The following DDB1 variants were observed in gnomAD, a reference collection of about 807,000 sequenced individuals.
The protein encoded by DDB1 is damage specific DNA binding protein 1.
Under a neutral mutation model 133.1 loss-of-function variants are expected in DDB1, and 18 were observed. That is an observed-to-expected ratio of 0.14 (90% confidence interval 0.09 to 0.20). The LOEUF (loss-of-function observed/expected upper bound fraction) is 0.20, where lower values mean the gene tolerates loss of function less well. DDB1 is among the 10% of genes least tolerant of loss of function. DDB1 has a pLI of 1.00. For missense variants in DDB1, 828 were observed against 1,459.2 expected (o/e 0.57, Z 7.05); for synonymous variants, 580 against 550.5 (o/e 1.05, Z -0.75).
Position 61,326,850 on chromosome 11 carries a change from C to T in DDB1, c.593G>A (p.Arg198Gln), listed in dbSNP as rs748809784. The T allele has an allele frequency of 1.6e-5, 26 of 1,613,972 alleles. No individual in the cohort carries two copies. The highest frequency in any genetic ancestry group is 3.3e-4 in the Middle Eastern group (2 of 6,084). The change falls in exon 5 of 27, where the codon CGA becomes CAA. Residue 198 changes from arginine (R) to glutamine (Q), a missense_variant. Physicochemically the swap from Arg to Gln is conservative, Grantham distance 43. Around this residue, in one of 7 missense-constraint regions of DDB1, gnomAD observed 210 missense variants for 344.8 expected, o/e 0.61. Coordinates refer to ENST00000301764, the MANE Select transcript of DDB1 (RefSeq NM_001923.5). ...AGGGCCCTTATTGAATTCCTTTTCT[C>T]GGAGAGACACCTCATAGGTTTTTAC... ...RHVKTYEVSL[R>Q]EKEFNKGPWK...
chr11:61,317,439 T>C (rs1301838613), intron 10 of DDB1, among the ~76,000 whole-genome samples: 1 of 152,104 alleles, frequency 6.6e-6, no homozygotes, highest in African/African-American at 2.4e-5. Context: ...AAAGCTGTTT[T>C]GAGCCTATTT....
rs1194431801 is a variant in DDB1, at chr11:61,310,357, G to A, written c.2339C>T (p.Thr780Ile). 3 of 1,613,106 alleles carry A rather than the reference G, an allele frequency of 1.9e-6. No individual in the cohort carries two copies. The highest frequency in any genetic ancestry group is 1.3e-5 in the African/African-American group (1 of 74,900). ...LFSSSTAPHE[T>I]SFGEEVEVHN... ...CACCTCCACCTCTTCTCCAAAGGAGGTCTCATGAGGAGCAGTGCTGCTGGA... is the reference window on the plus strand; with the variant it reads ...CACCTCCACCTCTTCTCCAAAGGAGATCTCATGAGGAGCAGTGCTGCTGGA... Residue 780 changes from threonine (T) to isoleucine (I), a missense_variant, in exon 19 of 27, where the codon ACC becomes ATC. By Grantham distance (89) the Thr-to-Ile change is moderately conservative (BLOSUM62 -1). Coordinates refer to ENST00000301764, the MANE Select transcript of DDB1 (RefSeq NM_001923.5).
At chr11:61,325,573 GA>G (rs764501618) in intron 6 of DDB1, 37 bp downstream of exon 6, 2 of 1,564,274 alleles carry the variant, frequency 1.3e-6, no homozygotes, top group East Asian at 2.2e-5. Context: ...GACAAGGAAA[GA>G]AAAGATGAAA....
rs1855760191 is a variant in DDB1, at chr11:61,299,719, C to A, written c.*417G>T. ...CCCTCCTAACCCTCTTCCCCACTAC[C>A]CACAACTCCCTACACTGCCAATCTA... On this transcript the variant is annotated 3_prime_UTR_variant, in exon 27 of 27. Transcript: ENST00000301764. 4.6e-6 allele frequency: 1 copy of A among 218,210 alleles called. No homozygotes were observed. The highest frequency in any genetic ancestry group is 7.0e-5 in the South Asian group (1 of 14,278). 13.5% of individuals were successfully genotyped at this position (218,210 alleles called of 1,614,324 possible).
Position 61,333,068 on chromosome 11 carries a change from A to C in DDB1, c.-100T>G. On this transcript the variant is annotated 5_prime_UTR_variant, in exon 1 of 27. Transcript: ENST00000301764. ...CCCCCAACAGCGCGCAGCGAACTCC[A>C]CTGCCGCTGCCTCCGCCCCAGAGAC... 2 of 1,126,944 alleles carry C rather than the reference A, an allele frequency of 1.8e-6. No homozygotes were observed. Among genetic ancestry groups the C allele is most frequent in the African/African-American group, 1.6e-5 (1 of 61,182 alleles). The allele number at this position is 1,126,944 out of a possible 1,614,324, so 69.8% of individuals were successfully genotyped here. A position where few individuals can be genotyped will look rare whatever the true frequency, so the allele number is the denominator to read the frequency against.
chr11:61,308,024 C>CT (rs1855904794), intron 21 of DDB1, among the ~76,000 whole-genome samples: 1 of 152,208 alleles, frequency 6.6e-6, no homozygotes, highest in African/African-American at 2.4e-5. Context: ...CCCTGCTCCC[C>CT]TACAGTCTTT....
chr11:61,322,156 T>C (rs1856190689), intron 9 of DDB1, 140 bp downstream of exon 9: 1 of 727,978 alleles, frequency 1.4e-6, no homozygotes, highest in Non-Finnish European at 2.4e-6. Flanking sequence ...TAAACAGTAG[T>C]TATCCTTATA....
At position 61,303,853 on chromosome 11, in the gene DDB1, C is replaced by T. The variant is rs780132287; in HGVS notation, c.2832+12G>A. 5.6e-6 allele frequency: 9 copies of T among 1,613,592 alleles called. No homozygotes were observed. Among genetic ancestry groups the T allele is most frequent in the South Asian group, 3.3e-5 (3 of 91,046 alleles). ...AGCAAGAAGTCTGCTCGCATCCCCC[C>T]ACCAGCATCACCTCTTCAAAGTTTC... On this transcript the variant is annotated intron_variant, in intron 22 of 26. Transcript: ENST00000301764.
At chr11:61,316,663 T>C in intron 10 of DDB1, 96 bp from the exon 11 acceptor site, 6 of 1,297,504 alleles carry the variant, frequency 4.6e-6, no homozygotes, top group Non-Finnish European at 4.5e-6. Flanking sequence ...GGCTCATGCC[T>C]ATAATCTCAA....
intron 1 of DDB1, chr11:61,332,039 G>GAT (rs1452955017): frequency 2.1e-5 from 4 of 190,322 alleles, no homozygotes; most frequent in Non-Finnish European, 4.4e-5. Flanking sequence ...GAATGCCGGA[G>GAT]AAAGTGTTCA....
intron 1 of DDB1, 118 bp downstream of exon 1, chr11:61,332,790 C>A: frequency 1.1e-6 from 1 of 875,256 alleles, no homozygotes; most frequent in East Asian, 3.3e-5. Flanking sequence ...CGGCCGCCAG[C>A]GCCTTCCATT....
intron 10 of DDB1, among the ~76,000 whole-genome samples, chr11:61,316,995 A>C (rs369435379): frequency 1.1e-5 from 1 of 94,106 alleles, no homozygotes. Context: ...ATATATATAT[A>C]TATAGACATG....
chr11:61,324,230 C>T (rs1856233472), intron 6 of DDB1, 93 bp from the exon 7 acceptor site: 9 of 1,388,440 alleles, frequency 6.5e-6, no homozygotes, highest in Non-Finnish European at 9.1e-6. Context: ...CAAACCCAGC[C>T]ATTTTACCAG....
chr11:61,300,284 G>T, intron 26 of DDB1, 65 bp from the exon 27 acceptor site: 1 of 1,512,926 alleles, frequency 6.6e-7, no homozygotes, highest in South Asian at 1.2e-5. Context: ...GTGGGGAAGG[G>T]AATGCCCCCA....
intron 22 of DDB1, 137 bp from the exon 23 acceptor site, chr11:61,303,292 C>G (rs906369963): frequency 1.3e-5 from 10 of 755,332 alleles, no homozygotes; most frequent in Non-Finnish European, 2.2e-5. Context: ...ACAAGTGTCA[C>G]CCTAGAGGGA....
At chr11:61,306,700 C>A (rs1413568722) in intron 21 of DDB1, among the ~76,000 whole-genome samples, 1 of 152,140 alleles carries the variant, frequency 6.6e-6, no homozygotes, top group Non-Finnish European at 1.5e-5. Flanking sequence ...TAGTCCACCA[C>A]CATAATCACA....
intron 8 of DDB1, 146 bp from the exon 9 acceptor site, chr11:61,322,558 A>T: frequency 1.5e-6 from 1 of 664,822 alleles, no homozygotes. Flanking sequence ...CCAGAAGGGG[A>T]CTATTGACGA....
Position 61,313,981 on chromosome 11 carries a change from G to C in DDB1, c.1754-12C>G. 1 of 1,614,124 alleles carries C rather than the reference G, an allele frequency of 6.2e-7. No homozygotes were observed. Among genetic ancestry groups the C allele is most frequent in the Admixed American group, 1.7e-5 (1 of 60,016 alleles). Reference sequence around the variant, plus strand: ...GCGAGGAATGATCTCTGTGAGAAAGGGGGACATTATGTTCTTGTTCCACAT... The same window carrying C: ...GCGAGGAATGATCTCTGTGAGAAAGCGGGACATTATGTTCTTGTTCCACAT... On this transcript the variant is annotated splice_polypyrimidine_tract_variant and intron_variant, in intron 14 of 26. Transcript: ENST00000301764.
intron 18 of DDB1, chr11:61,310,953 G>A (rs1855955658): frequency 6.6e-6 from 1 of 152,310 alleles, no homozygotes; most frequent in African/African-American, 2.4e-5. Context: ...CACACAGCTA[G>A]CAATAAACCT....
Sources: gnomAD v4.1 joint callset for allele counts (sites outside exome capture counted in the v4.1 genomes callset) on GRCh38, gnomAD v4.1.1 for gene constraint, gnomAD v4.1.1 regional missense constraint, MANE v1.5 for transcripts, NCBI Gene and HGNC (gene_info 2026-07-23, HGNC 2026-07-21) for gene names.